Variants in AKAP8 observed in about 807,000 individuals in gnomAD.
AKAP8 encodes the protein A-kinase anchoring protein 8, also known as A-kinase anchor protein 8.
AKAP8 carries 24 observed loss-of-function variants against 67.5 expected under a neutral mutation model. That is an observed-to-expected ratio of 0.36 (90% CI 0.26 to 0.50). AKAP8 has a LOEUF of 0.50. Ranked by LOEUF, AKAP8 falls within the 20% of genes least tolerant of loss-of-function variation. The pLI, the probability that AKAP8 is intolerant of heterozygous loss-of-function variation, is 0.97. For missense variants in AKAP8, 971 were observed against 955.9 expected, an observed-to-expected ratio of 1.02 and a Z score of -0.21; for synonymous variants, 400 against 371.1, an observed-to-expected ratio of 1.08 and a Z score of -0.90.
chr19:15,376,044 C>A (rs1967247009), intron 2 of AKAP8, among the ~76,000 whole-genome samples: 1 of 151,932 alleles, frequency 6.6e-6, no homozygotes, highest in South Asian at 2.1e-4. Flanking sequence ...ATCTTCCTAT[C>A]TCAGCCTTCT....
intron 3 of AKAP8, among the ~76,000 whole-genome samples, chr19:15,374,317 C>T (rs1044731969): frequency 6.6e-6 from 1 of 152,206 alleles, no homozygotes; most frequent in Non-Finnish European, 1.5e-5. Context: ...CATTCAAAGC[C>T]GGGTGACTGA....
At chr19:15,356,097 T>A (rs1037387601) in intron 13 of AKAP8, among the ~76,000 whole-genome samples, 1 of 152,048 alleles carries the variant, frequency 6.6e-6, no homozygotes, top group Non-Finnish European at 1.5e-5. Flanking sequence ...CTTAACTTGA[T>A]GTTTTTTAAA....
chr19:15,371,155 G>C (rs1025835541), intron 7 of AKAP8, among the ~76,000 whole-genome samples: 1 of 152,084 alleles, frequency 6.6e-6, no homozygotes, highest in Non-Finnish European at 1.5e-5. Flanking sequence ...TGACTCTAAG[G>C]ACTTGGGGAA....
intron 9 of AKAP8, among the ~76,000 whole-genome samples, chr19:15,363,471 C>T (rs1258018826): frequency 6.3e-5 from 9 of 143,574 alleles, no homozygotes; most frequent in Middle Eastern, 3.8e-3. Flanking sequence ...CCGCCCCGTC[C>T]GGGAGGGAGG....
intron 13 of AKAP8, among the ~76,000 whole-genome samples, chr19:15,357,210 C>G (rs184425456): frequency 2.6e-5 from 4 of 151,584 alleles, no homozygotes; most frequent in Non-Finnish European, 4.4e-5. Context: ...GCACCCGCCT[C>G]GGCCTCCCAA....
Position 15,362,207 on chromosome 19 carries a change from T to C in AKAP8, c.1205A>G (p.Asp402Gly). Residue 402 changes from aspartate to glycine, a missense_variant, in exon 10 of 14, where the codon GAC (aspartate) becomes GGC (glycine). Around this residue, in one of 3 missense-constraint regions of AKAP8, gnomAD observed 763 missense variants for 745.4 expected, o/e 1.02. Transcript: ENST00000269701. ...TTGCAGATGCTTCTGGATCTCTTCG[T>C]CATCAAAGCTACGGAACTTGCATAC... ...CSVCKFRSFD[D>G]EEIQKHLQSK... 6.2e-7 allele frequency: 1 copy of C among 1,614,072 alleles called. No homozygotes were observed.
At chr19:15,363,886 G>T (rs1406465551) in intron 9 of AKAP8, among the ~76,000 whole-genome samples, 2 of 151,118 alleles carry the variant, frequency 1.3e-5, no homozygotes, top group African/African-American at 2.4e-5. Flanking sequence ...TGAAACATGT[G>T]CTGTGTCCAC....
At chr19:15,356,236 T>A (rs1473629168) in intron 13 of AKAP8, among the ~76,000 whole-genome samples, 2 of 148,990 alleles carry the variant, frequency 1.3e-5, no homozygotes, top group African/African-American at 5.0e-5. Flanking sequence ...CCATCTCTAC[T>A]AAAAATACAA....
In AKAP8 at chr19:15,371,932, G is replaced by C. The variant is rs757903029; in HGVS notation, c.1038+20C>G. The C allele has an allele frequency of 3.7e-6, 6 of 1,613,582 alleles. No individual in the cohort carries two copies. In the African/African-American group the frequency reaches 5.3e-5, roughly 14 times the overall value. ...AAGAAATCCCACACTAGAGGCAAAA[G>C]GGCTGCCTGGTGGACTTACACCCTT... On this transcript the variant is annotated intron_variant, in intron 7 of 13. Coordinates refer to ENST00000269701, the MANE Select transcript of AKAP8 (RefSeq NM_005858.4).
In AKAP8 at chr19:15,369,362, C is replaced by T. The variant is rs2145077936; in HGVS notation, c.1072+784G>A. ...GCTGGCAAAGCCTGAACAGGAGGAA[C>T]ATCTAAGCCAAGGGCCTTCAGAATG... On this transcript the variant is annotated intron_variant, in intron 8 of 13. Transcript: ENST00000269701. This position sits in a 1 kb window ranked among gnomAD's most constrained non-coding sequence, Gnocchi z 4.6. 3 of 688,316 alleles carry T rather than the reference C, an allele frequency of 4.4e-6. No individual in the cohort carries two copies. The highest frequency in any genetic ancestry group is 6.5e-5 in the South Asian group (1 of 15,338). 42.6% of individuals were successfully genotyped at this position (688,316 alleles called of 1,614,324 possible). A position where few individuals can be genotyped will look rare whatever the true frequency, so the allele number is the denominator to read the frequency against.
chr19:15,363,725 G>A (rs1967019866), intron 9 of AKAP8, among the ~76,000 whole-genome samples: 1 of 152,226 alleles, frequency 6.6e-6, no homozygotes, highest in Admixed American at 6.5e-5. Context: ...AGGCGGGAAA[G>A]GTGGGGAAAA....
Position 15,369,533 on chromosome 19 carries a change from A to C in AKAP8, c.1072+613T>G, listed in dbSNP as rs1228448633. ...CAGGCCGCTCTGCCATGAGGGATTT[A>C]AGCCTGCTCTGCTGTTGCTGCAGAC... On this transcript the variant is annotated intron_variant, in intron 8 of 13. Transcript: ENST00000269701. This position sits in a 1 kb window ranked among gnomAD's most constrained non-coding sequence, Gnocchi z 4.6. 1.3e-5 allele frequency among the ~76,000 whole-genome samples: 2 copies of C among 152,204 alleles called. No individual in the cohort carries two copies. Among genetic ancestry groups the C allele is most frequent in the Non-Finnish European group, 2.9e-5 (2 of 68,026 alleles).
chr19:15,367,476 C>T (rs377431825), intron 9 of AKAP8, among the ~76,000 whole-genome samples: 1 of 152,076 alleles, frequency 6.6e-6, no homozygotes, highest in Non-Finnish European at 1.5e-5. Context: ...TATAGTGAGC[C>T]GAGATTATGC....
At position 15,373,603 on chromosome 19, in the gene AKAP8, G is replaced by A. The variant is rs113421800; in HGVS notation, c.371+183C>T. The A allele has an allele frequency of 1.8e-5, 17 of 945,090 alleles. No homozygotes were observed. The East Asian group carries it at 2.7e-4, about 15-fold the overall frequency. The allele number at this position is 945,090 out of a possible 1,614,324, so 58.5% of individuals were successfully genotyped here. A position where few individuals can be genotyped will look rare whatever the true frequency, so the allele number is the denominator to read the frequency against. ...TAGCCAACAACCACGCCCAAGCCCC[G>A]CCATGAAGAAAAGCAAGGAAGTCCT... On this transcript the variant is annotated intron_variant, in intron 4 of 13. Coordinates refer to ENST00000269701, the MANE Select transcript of AKAP8 (RefSeq NM_005858.4).
chr19:15,361,754 T>G lies in AKAP8; in HGVS notation c.1371A>C (p.Ala457=). 1 of 1,613,970 alleles carries G rather than the reference T, an allele frequency of 6.2e-7. No individual in the cohort carries two copies. The highest frequency in any genetic ancestry group is 8.5e-7 in the Non-Finnish European group (1 of 1,179,800). Reference sequence around the variant, plus strand: ...CTTTGAAAGGATCTGGTTTTGGTTTTGCGGTTTCTTTCTCCATCAATTCCT... The same window carrying G: ...CTTTGAAAGGATCTGGTTTTGGTTTGGCGGTTTCTTTCTCCATCAATTCCT... ...RRQELMEKET[A]KPKPDPFKGI... The change falls in exon 11 of 14, where the codon GCA becomes GCC. Residue 457 remains alanine (A), a synonymous_variant. Coordinates refer to ENST00000269701, the MANE Select transcript of AKAP8 (RefSeq NM_005858.4).
intron 3 of AKAP8, 42 bp downstream of exon 3, chr19:15,374,561 C>T: frequency 6.2e-7 from 1 of 1,605,028 alleles, no homozygotes. Flanking sequence ...AGATCAGAGG[C>T]CCACTTGCCC....
intron 6 of AKAP8, 46 bp downstream of exon 6, chr19:15,372,172 C>T (rs777221347): frequency 1.2e-5 from 19 of 1,610,074 alleles, no homozygotes; most frequent in South Asian, 3.3e-5. Flanking sequence ...AGCAGGCAGC[C>T]GACCCATCCT....
intron 1 of AKAP8, 26 bp downstream of exon 1, chr19:15,379,687 C>T (rs750215358): frequency 6.8e-6 from 11 of 1,606,734 alleles, no homozygotes; most frequent in Middle Eastern, 1.7e-4. Context: ...TCCCTCCCCG[C>T]TCCGCACCCA....
intron 9 of AKAP8, among the ~76,000 whole-genome samples, chr19:15,363,779 A>C (rs1967021023): frequency 6.6e-6 from 1 of 152,106 alleles, no homozygotes; most frequent in South Asian, 2.1e-4. Flanking sequence ...AGAAAGAGGT[A>C]GACGTGGGAG....
Sources: gnomAD v4.1 joint callset for allele counts (sites outside exome capture counted in the v4.1 genomes callset) on GRCh38, gnomAD v4.1.1 for gene constraint, gnomAD v4.1.1 regional missense constraint, Gnocchi (gnomAD v3.1) non-coding constraint, MANE v1.5 for transcripts, NCBI Gene and HGNC (gene_info 2026-07-23, HGNC 2026-07-21) for gene names.